The following CES5A variants were observed in gnomAD, a reference collection of about 807,000 sequenced individuals.
CES5A encodes carboxylesterase 5.
CES5A carries 67 observed loss-of-function variants against 62.9 expected under a neutral mutation model. That is an observed-to-expected ratio of 1.07 (90% CI 0.88 to 1.31). The LOEUF (loss-of-function observed/expected upper bound fraction) is 1.31. Ranked by LOEUF, CES5A falls within the 50% of genes most tolerant of loss-of-function variation. CES5A has a pLI of 0.00. For missense variants in CES5A, 748 were observed against 708.5 expected (o/e 1.06, Z -0.63); for synonymous variants, 296 against 280.8 (o/e 1.05, Z -0.54).
chr16:55,850,115 C>A (rs1433998689), intron 10 of CES5A, among the ~76,000 whole-genome samples: 3 of 152,182 alleles, frequency 2.0e-5, no homozygotes, highest in Non-Finnish European at 4.4e-5. Flanking sequence ...TGTAAGGGTT[C>A]TTCTATTCTG....
intron 1 of CES5A, among the ~76,000 whole-genome samples, chr16:55,901,445 T>C (rs1196280280): frequency 6.6e-6 from 1 of 152,132 alleles, no homozygotes; most frequent in Non-Finnish European, 1.5e-5. Context: ...TTAAAAGATG[T>C]TTGTTTTGTT....
At chr16:55,921,478 G>GA (rs200972337) in intron 1 of CES5A, among the ~76,000 whole-genome samples, 2 of 151,218 alleles carry the variant, frequency 1.3e-5, no homozygotes, top group Non-Finnish European at 3.0e-5. Flanking sequence ...AGTGCTGAAA[G>GA]AAAAAAAACT....
chr16:55,955,807 G>A, intron 1 of CES5A: 1 of 1,532,812 alleles, frequency 6.5e-7, no homozygotes, highest in Non-Finnish European at 8.7e-7. Flanking sequence ...GTTTGGGGGT[G>A]GGGTCCAGGC....
intron 1 of CES5A, among the ~76,000 whole-genome samples, chr16:55,891,555 G>C (rs2033878546): frequency 2.0e-5 from 3 of 152,178 alleles, no homozygotes; most frequent in Admixed American, 1.3e-4. Context: ...AACTCAAAGT[G>C]GGGAAGGGGC....
rs528913860 is a variant in CES5A at position 55,886,296 on chromosome 16, C to T, written c.-255-12259G>A. 1.2e-3 allele frequency among the ~76,000 whole-genome samples: 177 copies of T among 152,244 alleles called. 1 individual carries two copies. Among genetic ancestry groups the T allele is most frequent in the African/African-American group, 4.1e-3 (171 of 41,536 alleles). On this transcript the variant is annotated intron_variant, in intron 1 of 12. Transcript: ENST00000518005. ...TCTGAACAGTGGTGAATGGCTTGGC[C>T]AATTACTCAGGGGCCTGGGAAGTGA...
At position 55,866,170 on chromosome 16, in the gene CES5A, C is replaced by T. The variant is rs146839212; in HGVS notation, c.552-54G>A. On this transcript the variant is annotated intron_variant, in intron 4 of 12. Transcript: ENST00000290567. ...TTGGTCAGCCATGGTGTGTTTCCCA[C>T]AGCCCTGGAAGTTCTCAGCAGAGGC... 2.2e-4 allele frequency: 345 copies of T among 1,562,848 alleles called. 2 individuals are homozygous for T. In the African/African-American group the frequency reaches 4.0e-3, roughly 18 times the overall value.
chr16:55,859,981 G>A (rs1388549397), intron 7 of CES5A, among the ~76,000 whole-genome samples: 2 of 152,156 alleles, frequency 1.3e-5, no homozygotes, highest in Non-Finnish European at 2.9e-5. Flanking sequence ...TGGTTTGGCT[G>A]TGTCCCCACC....
upstream of CES5A, among the ~76,000 whole-genome samples, chr16:55,877,596 A>G (rs540951456): frequency 1.5e-4 from 23 of 152,084 alleles, no homozygotes; most frequent in Non-Finnish European, 3.1e-4. Flanking sequence ...TGTTCTCTCT[A>G]GGTACCACTT....
intron 2 of CES5A, among the ~76,000 whole-genome samples, chr16:55,933,940 T>C (rs1346116339): frequency 6.6e-6 from 1 of 152,174 alleles, no homozygotes; most frequent in Non-Finnish European, 1.5e-5. Flanking sequence ...CTCCTCTTAT[T>C]CATTCTCATC....
intron 10 of CES5A, among the ~76,000 whole-genome samples, chr16:55,851,893 A>G (rs1336339430): frequency 2.0e-5 from 3 of 152,246 alleles, no homozygotes; most frequent in Admixed American, 1.3e-4. Context: ...AGTACAGCAT[A>G]TAGGAATCCT....
chr16:55,945,680 C>T (rs984863341), intron 2 of CES5A, among the ~76,000 whole-genome samples: 7 of 152,182 alleles, frequency 4.6e-5, no homozygotes, highest in Non-Finnish European at 8.8e-5. Context: ...AAATCATCTG[C>T]GGTCTTTCTT....
chr16:55,913,561 T>C (rs1020596524), intron 1 of CES5A, among the ~76,000 whole-genome samples: 1 of 152,216 alleles, frequency 6.6e-6, no homozygotes, highest in Non-Finnish European at 1.5e-5. Context: ...AGTCAAACCA[T>C]GAACTGAATC....
At chr16:55,907,334 C>T (rs749907200) in intron 1 of CES5A, among the ~76,000 whole-genome samples, 1 of 152,222 alleles carries the variant, frequency 6.6e-6, no homozygotes, top group Non-Finnish European at 1.5e-5. Flanking sequence ...GCTCCTGCAT[C>T]ATCAGCCATG....
intron 2 of CES5A, among the ~76,000 whole-genome samples, chr16:55,941,866 A>G (rs2142479773): frequency 6.6e-6 from 1 of 152,288 alleles, no homozygotes; most frequent in East Asian, 1.9e-4. Flanking sequence ...GTTAAAAGTC[A>G]TAGAACAGTA....
chr16:55,882,229 C>T (rs1055680651), intron 1 of CES5A, among the ~76,000 whole-genome samples: 1 of 152,182 alleles, frequency 6.6e-6, no homozygotes, highest in African/African-American at 2.4e-5. Context: ...AACATACCCC[C>T]AGTCCTTCCT....
At chr16:55,895,775 T>G (rs2033926106) in intron 1 of CES5A, among the ~76,000 whole-genome samples, 1 of 152,232 alleles carries the variant, frequency 6.6e-6, no homozygotes, top group South Asian at 2.1e-4. Flanking sequence ...AGTGGAATGC[T>G]ATGGTTTGGA....
At chr16:55,868,126 G>A (rs1185289255) in intron 4 of CES5A, among the ~76,000 whole-genome samples, 4 of 152,160 alleles carry the variant, frequency 2.6e-5, no homozygotes, top group Admixed American at 1.3e-4. Flanking sequence ...TTGCCTTCCC[G>A]CATCCATCTC....
intron 1 of CES5A, among the ~76,000 whole-genome samples, chr16:55,952,064 C>T (rs1409740692): frequency 3.3e-5 from 5 of 152,118 alleles, no homozygotes; most frequent in Non-Finnish European, 7.4e-5. Flanking sequence ...ACCTCAACAA[C>T]TTCATTAGAA....
intron 5 of CES5A, among the ~76,000 whole-genome samples, chr16:55,864,256 G>A (rs1341196943): frequency 1.3e-5 from 2 of 152,176 alleles, no homozygotes. Context: ...AGGTAATTTT[G>A]AAGATGTAAA....
Sources: gnomAD v4.1 joint callset for allele counts (sites outside exome capture counted in the v4.1 genomes callset) on GRCh38, gnomAD v4.1.1 for gene constraint, MANE v1.5 for transcripts, NCBI Gene and HGNC (gene_info 2026-07-23, HGNC 2026-07-21) for gene names.